Variants in PDE8B observed in about 807,000 individuals in gnomAD.
PDE8B encodes the protein phosphodiesterase 8B.
Under a neutral mutation model 101.3 loss-of-function variants are expected in PDE8B, and 26 were observed. That is an observed-to-expected ratio of 0.26 (90% CI 0.19 to 0.36). PDE8B has a LOEUF of 0.36. Among genes scored for constraint, PDE8B ranks in the 10% least tolerant of loss-of-function variants. The probability of loss-of-function intolerance (pLI) is 1.00; values close to 1 mark genes in which losing one functional copy is unlikely to be tolerated. For synonymous variants in PDE8B, 424 were observed against 429.3 expected, an observed-to-expected ratio of 0.99 and a Z score of 0.15; for missense variants, 810 against 1,163.1, an observed-to-expected ratio of 0.70 and a Z score of 4.42.
the PDE8B span, among the ~76,000 whole-genome samples, chr5:77,150,375 G>C: frequency 6.6e-6 from 1 of 152,158 alleles, no homozygotes. Context: ...CAATGGAATT[G>C]AATCCCAGCT....
At chr5:77,415,653 C>T (rs1795386213) in intron 17 of PDE8B, among the ~76,000 whole-genome samples, 4 of 152,170 alleles carry the variant, frequency 2.6e-5, no homozygotes, top group Non-Finnish European at 4.4e-5. Flanking sequence ...GCCACTGCTT[C>T]CAGCCAGGCT....
At chr5:77,417,192 TG>T (rs1348324768) in intron 17 of PDE8B, among the ~76,000 whole-genome samples, 2 of 152,196 alleles carry the variant, frequency 1.3e-5, no homozygotes, top group African/African-American at 4.8e-5. Flanking sequence ...AGTAGCTGCA[TG>T]CAACTAGGAG....
At chr5:77,395,550 G>C (rs192856408) in intron 10 of PDE8B, among the ~76,000 whole-genome samples, 1 of 150,804 alleles carries the variant, frequency 6.6e-6, no homozygotes. Context: ...TTTTCACCTC[G>C]CTAGGATAAG....
intron 10 of PDE8B, among the ~76,000 whole-genome samples, chr5:77,399,445 T>G (rs1369488393): frequency 6.6e-6 from 1 of 152,236 alleles, no homozygotes; most frequent in African/African-American, 2.4e-5. Flanking sequence ...CAAGTTAACC[T>G]ACCCCATTCA....
At position 77,406,217 on chromosome 5, in the gene PDE8B, G is replaced by A. The variant is rs560467143; in HGVS notation, c.1289-1164G>A. ...TGGGATTCGCTTGAACCCAGGAGGC[G>A]GAGGTTGTGGTGAGCTAGATCGTGC... On this transcript the variant is annotated intron_variant, in intron 12 of 21. Transcript: ENST00000264917. 2.0e-5 allele frequency among the ~76,000 whole-genome samples: 3 copies of A among 152,234 alleles called. No individual in the cohort carries two copies. In the South Asian group the frequency reaches 6.2e-4, roughly 32 times the overall value.
At chr5:77,111,593 A>G in the PDE8B span, among the ~76,000 whole-genome samples, 49 of 152,326 alleles carry the variant, frequency 3.2e-4, no homozygotes, top group African/African-American at 1.2e-3. Context: ...GGAGAATTGT[A>G]TATTTCAAGG....
chr5:77,426,748 T>G lies in PDE8B; in HGVS notation c.*194T>G. ...TATGTTCCATGAAGAAAAATATATG[T>G]TCTTTTGAATACTTAATGACAGAAC... On this transcript the variant is annotated 3_prime_UTR_variant, in exon 22 of 22. Transcript: ENST00000264917. The G allele has an allele frequency of 1.7e-6, 1 of 598,500 alleles. No individual in the cohort carries two copies. Among genetic ancestry groups the G allele is most frequent in the Admixed American group, 2.7e-5 (1 of 36,514 alleles). The allele number at this position is 598,500 out of a possible 1,614,324, so 37.1% of individuals were successfully genotyped here.
intron 10 of PDE8B, among the ~76,000 whole-genome samples, chr5:77,372,774 G>A (rs957546459): frequency 6.6e-6 from 1 of 152,162 alleles, no homozygotes; most frequent in African/African-American, 2.4e-5. Flanking sequence ...GCCAGGTGTC[G>A]TGGCTCACGC....
At chr5:77,392,808 A>G (rs1790217688) in intron 10 of PDE8B, among the ~76,000 whole-genome samples, 1 of 152,224 alleles carries the variant, frequency 6.6e-6, no homozygotes, top group East Asian at 1.9e-4. Flanking sequence ...GCCCAGTGGG[A>G]TTCCAAATGA....
intron 10 of PDE8B, among the ~76,000 whole-genome samples, chr5:77,380,769 T>G (rs1295515899): frequency 6.6e-6 from 1 of 152,224 alleles, no homozygotes; most frequent in East Asian, 1.9e-4. Flanking sequence ...AGTACTGATT[T>G]ATGAACTGTT....
At chr5:77,354,342 T>C (rs1488783109) in intron 10 of PDE8B, among the ~76,000 whole-genome samples, 1 of 152,136 alleles carries the variant, frequency 6.6e-6, no homozygotes, top group Non-Finnish European at 1.5e-5. Context: ...TAAGATATAG[T>C]TGGAGATAAA....
At chr5:77,385,601 T>G (rs1336458227) in intron 10 of PDE8B, among the ~76,000 whole-genome samples, 1 of 152,154 alleles carries the variant, frequency 6.6e-6, no homozygotes, top group African/African-American at 2.4e-5. Flanking sequence ...CTTTCTCTTG[T>G]GGGCATTTAG....
the PDE8B span, chr5:77,105,702 T>A: frequency 2.0e-5 from 3 of 152,236 alleles, no homozygotes; most frequent in African/African-American, 7.2e-5. Flanking sequence ...AAATATGTAT[T>A]TAAATTTATG....
intron 1 of PDE8B, among the ~76,000 whole-genome samples, chr5:77,304,297 A>C (rs1313697156): frequency 6.6e-6 from 1 of 152,230 alleles, no homozygotes; most frequent in African/African-American, 2.4e-5. Flanking sequence ...ATTACTAATG[A>C]TGATGAGCAT....
intron 18 of PDE8B, 35 bp from the exon 19 acceptor site, chr5:77,419,732 T>A (rs374615433): frequency 1.2e-6 from 2 of 1,612,800 alleles, no homozygotes; most frequent in South Asian, 2.2e-5. Context: ...TGAGACACGC[T>A]GTGAACAAGC....
the PDE8B span, among the ~76,000 whole-genome samples, chr5:77,130,723 C>T: frequency 6.6e-6 from 1 of 152,172 alleles, no homozygotes; most frequent in East Asian, 1.9e-4. Context: ...TGAATTTTTG[C>T]ATTAAATGGA....
At chr5:77,372,124 C>G (rs924704444) in intron 10 of PDE8B, among the ~76,000 whole-genome samples, 2 of 152,116 alleles carry the variant, frequency 1.3e-5, no homozygotes, top group African/African-American at 4.8e-5. Flanking sequence ...TGCTTGAACC[C>G]AGGAGGCAGA....
intron 1 of PDE8B, among the ~76,000 whole-genome samples, chr5:77,286,528 T>C (rs1766048892): frequency 6.6e-6 from 1 of 152,216 alleles, no homozygotes; most frequent in Admixed American, 6.5e-5. Context: ...CTTCTCCAGA[T>C]CTTTCTCCAA....
At chr5:77,346,719 A>G (rs1029743085) in intron 7 of PDE8B, among the ~76,000 whole-genome samples, 2 of 152,244 alleles carry the variant, frequency 1.3e-5, no homozygotes, top group East Asian at 1.9e-4. Flanking sequence ...GGATTCTGAA[A>G]GAAGACCTTA....
Sources: gnomAD v4.1 joint callset for allele counts (sites outside exome capture counted in the v4.1 genomes callset) on GRCh38, gnomAD v4.1.1 for gene constraint, MANE v1.5 for transcripts, NCBI Gene and HGNC (gene_info 2026-07-23, HGNC 2026-07-21) for gene names.